The following HS3ST5 variants were observed in gnomAD, a reference collection of about 807,000 sequenced individuals.
HS3ST5 encodes the protein heparan sulfate glucosamine 3-O-sulfotransferase 5.
A neutral mutation model predicts 25.4 loss-of-function variants in HS3ST5; 10 were observed. The ratio of observed to expected loss-of-function variants is 0.39; its 90% CI spans 0.24 to 0.67. The LOEUF (loss-of-function observed/expected upper bound fraction) is 0.67, where lower values mean the gene tolerates loss of function less well. Among genes scored for constraint, HS3ST5 ranks in the 30% least tolerant of loss-of-function variants. HS3ST5 has a pLI of 0.44. For synonymous variants in HS3ST5, 170 were observed against 162.4 expected, an observed-to-expected ratio of 1.05 and a Z score of -0.36; for missense variants, 324 against 420.7, an observed-to-expected ratio of 0.77 and a Z score of 2.01.
chr6:114,208,615 T>C (rs1047563396), intron 2 of HS3ST5, among the ~76,000 whole-genome samples: 8 of 152,176 alleles, frequency 5.3e-5, no homozygotes, highest in African/African-American at 1.7e-4. Context: ...TCCTTTCAAA[T>C]TGCCGTGTTG....
intron 2 of HS3ST5, among the ~76,000 whole-genome samples, chr6:114,208,634 T>C (rs1400249844): frequency 6.6e-6 from 1 of 152,170 alleles, no homozygotes; most frequent in Admixed American, 6.5e-5. Flanking sequence ...TGACTCTGAA[T>C]CTGACTGGTC....
intron 1 of HS3ST5, among the ~76,000 whole-genome samples, chr6:114,313,160 A>G (rs1204589536): frequency 1.3e-5 from 2 of 152,052 alleles, no homozygotes; most frequent in African/African-American, 4.8e-5. Context: ...GTTTACACTC[A>G]TTAGCAGGGT....
chr6:114,308,536 G>A (rs544693650), intron 1 of HS3ST5, among the ~76,000 whole-genome samples: 20 of 151,704 alleles, frequency 1.3e-4, no homozygotes, highest in African/African-American at 4.1e-4. Flanking sequence ...GCAGTGAGCC[G>A]AGATCACACC....
intron 1 of HS3ST5, among the ~76,000 whole-genome samples, chr6:114,323,440 C>G (rs113131190): frequency 1.1e-4 from 17 of 152,054 alleles, no homozygotes; most frequent in African/African-American, 3.4e-4. Flanking sequence ...CCTCAAAAAT[C>G]ATTGTAACCC....
intron 1 of HS3ST5, among the ~76,000 whole-genome samples, chr6:114,293,037 C>A (rs1282945963): frequency 1.3e-5 from 2 of 151,654 alleles, no homozygotes; most frequent in Non-Finnish European, 2.9e-5. Context: ...GATCATAATA[C>A]AGTGTAAGAA....
At chr6:114,173,142 T>C (rs1424980439) in intron 2 of HS3ST5, among the ~76,000 whole-genome samples, 1 of 152,206 alleles carries the variant, frequency 6.6e-6, no homozygotes, top group Non-Finnish European at 1.5e-5. Context: ...TTTTTTGATA[T>C]ATTAGTACAT....
At chr6:114,084,665 G>A in intron 3 of HS3ST5, 3 of 1,175,202 alleles carry the variant, frequency 2.6e-6, no homozygotes, top group Non-Finnish European at 3.8e-6. Flanking sequence ...CTGATGGTCA[G>A]CCCTGGGGTC....
chr6:114,216,725 C>A (rs1781784198), intron 2 of HS3ST5, among the ~76,000 whole-genome samples: 1 of 99,816 alleles, frequency 1.0e-5, no homozygotes, highest in South Asian at 5.1e-4. Flanking sequence ...GAATCGTCCT[C>A]CTTAAAAAAA....
intron 1 of HS3ST5, among the ~76,000 whole-genome samples, chr6:114,313,829 C>G (rs542096482): frequency 2.0e-5 from 3 of 152,184 alleles, no homozygotes; most frequent in African/African-American, 7.2e-5. Flanking sequence ...TAATTAAAAT[C>G]AGATGCTTGG....
chr6:114,115,596 C>T (rs1776484012), intron 3 of HS3ST5, among the ~76,000 whole-genome samples: 1 of 152,134 alleles, frequency 6.6e-6, no homozygotes, highest in Non-Finnish European at 1.5e-5. Flanking sequence ...TACACAATCC[C>T]TCCACAAATG....
intron 3 of HS3ST5, among the ~76,000 whole-genome samples, chr6:114,162,852 C>CT (rs199987749): frequency 4.6e-5 from 7 of 152,050 alleles, no homozygotes; most frequent in East Asian, 1.9e-4. Context: ...TTGGAGCACT[C>CT]TTTTTTTTAA....
intron 3 of HS3ST5, among the ~76,000 whole-genome samples, chr6:114,078,166 C>T (rs1321021959): frequency 6.6e-6 from 1 of 152,042 alleles, no homozygotes; most frequent in Non-Finnish European, 1.5e-5. Flanking sequence ...ACAGATAACC[C>T]ACTGTTCACT....
chr6:114,261,038 A>C (rs1438509041), intron 1 of HS3ST5, among the ~76,000 whole-genome samples: 1 of 152,190 alleles, frequency 6.6e-6, no homozygotes, highest in African/African-American at 2.4e-5. Context: ...GACAATAGTG[A>C]CAGCAGCTAT....
chr6:114,280,935 A>G (rs1774079404), intron 1 of HS3ST5, among the ~76,000 whole-genome samples: 1 of 152,048 alleles, frequency 6.6e-6, no homozygotes, highest in South Asian at 2.1e-4. Context: ...GTACCTTTTG[A>G]GGGCACACAC....
At chr6:114,129,579 A>G (rs1777229527) in intron 3 of HS3ST5, among the ~76,000 whole-genome samples, 1 of 152,164 alleles carries the variant, frequency 6.6e-6, no homozygotes, top group South Asian at 2.1e-4. Context: ...AACATCTAGC[A>G]GAGGGTGGGA....
chr6:114,183,165 G>A (rs985860968), intron 2 of HS3ST5, among the ~76,000 whole-genome samples: 1 of 152,120 alleles, frequency 6.6e-6, no homozygotes, highest in African/African-American at 2.4e-5. Flanking sequence ...TGCTTTAGCT[G>A]TGTTCCCACC....
At chr6:114,319,438 A>G (rs1775875137) in intron 1 of HS3ST5, among the ~76,000 whole-genome samples, 1 of 152,134 alleles carries the variant, frequency 6.6e-6, no homozygotes, top group Admixed American at 6.5e-5. Context: ...TTCAAAGTCT[A>G]TGGCTATGTC....
At chr6:114,277,331 G>A (rs760860170) in intron 1 of HS3ST5, among the ~76,000 whole-genome samples, 1 of 150,854 alleles carries the variant, frequency 6.6e-6, no homozygotes, top group Non-Finnish European at 1.5e-5. Context: ...GTAATAAGCA[G>A]AACTAGGAAA....
chr6:114,217,642 T>C (rs1167889092), intron 2 of HS3ST5, among the ~76,000 whole-genome samples: 1 of 152,192 alleles, frequency 6.6e-6, no homozygotes, highest in Non-Finnish European at 1.5e-5. Context: ...TACATCTCTT[T>C]TAATTCCAAT....
Sources: gnomAD v4.1 joint callset for allele counts (sites outside exome capture counted in the v4.1 genomes callset) on GRCh38, gnomAD v4.1.1 for gene constraint, MANE v1.5 for transcripts, NCBI Gene and HGNC (gene_info 2026-07-23, HGNC 2026-07-21) for gene names.